CPPED1: variants seen among roughly 807,000 people sequenced by gnomAD.
CPPED1 encodes the protein calcineurin like phosphoesterase domain containing 1.
In CPPED1, 28 loss-of-function variants were observed where a neutral mutation model predicts 28.0. That is an observed-to-expected ratio of 1.00 (90% confidence interval 0.74 to 1.37). CPPED1 has a LOEUF of 1.37. Ranked by LOEUF, CPPED1 falls within the 40% of genes most tolerant of loss-of-function variation. The probability of loss-of-function intolerance (pLI) is 0.00; values close to 1 mark genes in which losing one functional copy is unlikely to be tolerated. For synonymous variants in CPPED1, 198 were observed against 180.2 expected, an observed-to-expected ratio of 1.10 and a Z score of -0.79; for missense variants, 504 against 416.5, an observed-to-expected ratio of 1.21 and a Z score of -1.83.
chr16:12,799,683 C>T (rs1024179171), intron 1 of CPPED1, among the ~76,000 whole-genome samples: 7 of 152,216 alleles, frequency 4.6e-5, no homozygotes, highest in African/African-American at 9.6e-5. Context: ...GTCAGGACCC[C>T]GGGGAATTGT....
intron 3 of CPPED1, among the ~76,000 whole-genome samples, chr16:12,692,592 T>C (rs2079969250): frequency 6.6e-6 from 1 of 152,210 alleles, no homozygotes; most frequent in African/African-American, 2.4e-5. Flanking sequence ...AGGACCTGAA[T>C]ATGTCTGTCG....
chr16:12,754,780 C>T (rs1217624353), intron 2 of CPPED1, among the ~76,000 whole-genome samples: 1 of 152,154 alleles, frequency 6.6e-6, no homozygotes, highest in Non-Finnish European at 1.5e-5. Flanking sequence ...GGGAGGATCA[C>T]CTGAAACCAG....
Position 12,739,174 on chromosome 16 carries a change from T to A in CPPED1, c.290-34125A>T, listed in dbSNP as rs138841509. Among the ~76,000 whole-genome samples the A allele has an allele frequency of 5.5e-3, 840 of 152,286 alleles. 4 individuals carry two copies. Among genetic ancestry groups the A allele is most frequent in the Middle Eastern group, 0.031 (9 of 294 alleles). Reference sequence around the variant, plus strand: ...CAGAATGGTCATGAGAATAAGAAAGTGTGCATGTAGAATAAGTAGTAGAGA... The same window carrying A: ...CAGAATGGTCATGAGAATAAGAAAGAGTGCATGTAGAATAAGTAGTAGAGA... On this transcript the variant is annotated intron_variant, in intron 2 of 3. Transcript: ENST00000381774.
chr16:12,677,536 G>C (rs995952289), intron 3 of CPPED1, among the ~76,000 whole-genome samples: 2 of 152,218 alleles, frequency 1.3e-5, no homozygotes, highest in Non-Finnish European at 2.9e-5. Flanking sequence ...CAGCTACTTG[G>C]GAGGCTGAGG....
At chr16:12,782,807 G>T (rs1187729155) in intron 1 of CPPED1, among the ~76,000 whole-genome samples, 4 of 151,872 alleles carry the variant, frequency 2.6e-5, no homozygotes, top group Non-Finnish European at 5.9e-5. Context: ...GAAGGCGGAG[G>T]TTGCAGTGAG....
chr16:12,676,629 C>T (rs1168523782), intron 3 of CPPED1, among the ~76,000 whole-genome samples: 2 of 152,174 alleles, frequency 1.3e-5, no homozygotes, highest in Non-Finnish European at 2.9e-5. Context: ...CCAAAGATCA[C>T]CGTGCCATAG....
intron 2 of CPPED1, among the ~76,000 whole-genome samples, chr16:12,712,063 A>G (rs999743692): frequency 2.6e-5 from 4 of 152,144 alleles, no homozygotes; most frequent in African/African-American, 9.7e-5. Context: ...ACATGTCTGC[A>G]TGTTGACATC....
chr16:12,740,049 G>T (rs1596466505), intron 2 of CPPED1, among the ~76,000 whole-genome samples: 1 of 148,206 alleles, frequency 6.7e-6, no homozygotes, highest in African/African-American at 2.5e-5. Flanking sequence ...GAAAAGAAAA[G>T]AAAAGGAAGG....
At chr16:12,706,111 CAAGAT>C (rs1423839206) in intron 2 of CPPED1, among the ~76,000 whole-genome samples, 2 of 151,992 alleles carry the variant, frequency 1.3e-5, no homozygotes, top group South Asian at 2.1e-4. Flanking sequence ...AAATAAATAT[CAAGAT>C]AAGAAACAGG....
chr16:12,735,037 G>A (rs540363497), intron 2 of CPPED1, among the ~76,000 whole-genome samples: 1 of 152,274 alleles, frequency 6.6e-6, no homozygotes, highest in African/African-American at 2.4e-5. Flanking sequence ...AACAGGCAGA[G>A]AAGCAGCCGG....
intron 2 of CPPED1, among the ~76,000 whole-genome samples, chr16:12,768,027 AT>A (rs1235559884): frequency 6.6e-6 from 1 of 152,210 alleles, no homozygotes; most frequent in East Asian, 1.9e-4. Context: ...GGAAAGTTTC[AT>A]AAAAATTTTC....
At chr16:12,768,933 T>C (rs2080454709) in intron 2 of CPPED1, among the ~76,000 whole-genome samples, 1 of 151,624 alleles carries the variant, frequency 6.6e-6, no homozygotes, top group Non-Finnish European at 1.5e-5. Flanking sequence ...TGGCACGATC[T>C]CGGCTCACTG....
In CPPED1 at chr16:12,724,351, G is replaced by C. The variant is rs769343976; in HGVS notation, c.290-19302C>G. ...CCATCCCTCTTGCCTTGCAGAACTG[G>C]CAAGAGCACACTCCTTCTCCCGGGG... is the stretch of plus-strand genomic sequence containing the variant. On this transcript the variant is annotated intron_variant, in intron 2 of 3. Transcript: ENST00000381774. Among the ~76,000 whole-genome samples, 46 of 152,090 alleles carry C rather than the reference G, an allele frequency of 3.0e-4. 1 individual carries two copies. The highest frequency in any genetic ancestry group is 2.9e-4 in the Non-Finnish European group (20 of 68,026).
Position 12,704,864 on chromosome 16 carries a change from G to T in CPPED1, c.475C>A (p.Leu159Met). ...DYFSFWVGGV[L>M]FLVLNSQFYE... is the part of the protein sequence containing the mutation. ...AACTGGGAGTTGAGGACCAGGAACA[G>T]GACGCCCCCGACCCAGAAGCTGAAG... The change falls in exon 3 of 4, where the codon CTG becomes ATG. Residue 159 changes from leucine to methionine, a missense_variant. Transcript: ENST00000381774. The T allele has an allele frequency of 6.2e-7, 1 of 1,614,216 alleles. No individual in the cohort carries two copies. The highest frequency in any genetic ancestry group is 1.1e-5 in the South Asian group (1 of 91,082).
At position 12,705,037 on chromosome 16, in the gene CPPED1, C is replaced by T. The variant is rs368567080; in HGVS notation, c.302G>A (p.Arg101Gln). Residue 101 changes from arginine (R) to glutamine (Q), a missense_variant, in exon 3 of 4, where the codon CGG becomes CAG. Physicochemically the swap from Arg to Gln is conservative, Grantham distance 43. Coordinates refer to ENST00000381774, the MANE Select transcript of CPPED1 (RefSeq NM_018340.3). The part of the protein sequence containing the change: ...LIHAMPGKPW[R>Q]TEQTEDLKRV... Reference sequence around the variant, plus strand: ...CTTCAGGTCCTCCGTCTGCTCCGTCCGCCACGGCTTCCCTGGAAGAGTGAG... The same window carrying T: ...CTTCAGGTCCTCCGTCTGCTCCGTCTGCCACGGCTTCCCTGGAAGAGTGAG... The T allele has an allele frequency of 4.9e-5, 79 of 1,607,446 alleles. No individual in the cohort carries two copies. The highest frequency in any genetic ancestry group is 6.7e-5 in the African/African-American group (5 of 74,830).
At chr16:12,732,592 A>G (rs542045994) in intron 2 of CPPED1, among the ~76,000 whole-genome samples, 1 of 152,226 alleles carries the variant, frequency 6.6e-6, no homozygotes, top group South Asian at 2.1e-4. Flanking sequence ...GACTCATACC[A>G]AAGTCCCTCA....
chr16:12,729,102 C>T (rs1025125312), intron 2 of CPPED1, among the ~76,000 whole-genome samples: 1 of 152,018 alleles, frequency 6.6e-6, no homozygotes, highest in African/African-American at 2.4e-5. Flanking sequence ...GGAGGAAGCC[C>T]CAGAGGGAGC....
chr16:12,764,842 T>C (rs921834852), intron 2 of CPPED1, among the ~76,000 whole-genome samples: 1 of 152,214 alleles, frequency 6.6e-6, no homozygotes, highest in Non-Finnish European at 1.5e-5. Context: ...AGACACCGTA[T>C]TTGTTTCTTG....
At chr16:12,742,175 C>T (rs1043135311) in intron 2 of CPPED1, among the ~76,000 whole-genome samples, 7 of 152,080 alleles carry the variant, frequency 4.6e-5, no homozygotes, top group East Asian at 1.9e-4. Context: ...CTCAGAGAAA[C>T]GGCATTTTAC....
Sources: allele counts gnomAD v4.1 joint callset (sites outside exome capture counted in the v4.1 genomes callset), GRCh38; gene constraint gnomAD v4.1.1; transcripts MANE v1.5; gene names NCBI Gene and HGNC (gene_info 2026-07-23, HGNC 2026-07-21).